PKHD1: variants seen among roughly 807,000 people sequenced by gnomAD.
PKHD1 encodes the protein PKHD1 ciliary IPT domain containing fibrocystin/polyductin, also known as fibrocystin.
PKHD1 carries 291 observed loss-of-function variants against 412.0 expected under a neutral mutation model. The ratio of observed to expected loss-of-function variants is 0.71; its 90% CI spans 0.64 to 0.78. PKHD1 has a LOEUF of 0.78. Among genes scored for constraint, PKHD1 ranks in the 30% least tolerant of loss-of-function variants. The probability of loss-of-function intolerance (pLI) is 0.00; values close to 1 mark genes in which losing one functional copy is unlikely to be tolerated. For missense variants in PKHD1, 4,825 were observed against 4,950.7 expected, an observed-to-expected ratio of 0.97 and a Z score of 0.76; for synonymous variants, 1,777 against 1,821.5, an observed-to-expected ratio of 0.98 and a Z score of 0.62.
At chr6:52,000,081 C>T (rs1348532870) in intron 35 of PKHD1, among the ~76,000 whole-genome samples, 1 of 152,156 alleles carries the variant, frequency 6.6e-6, no homozygotes, top group Non-Finnish European at 1.5e-5. Flanking sequence ...AAGCTTTTCT[C>T]GCACATGAAG....
intron 52 of PKHD1, among the ~76,000 whole-genome samples, chr6:51,826,292 A>G (rs547522307): frequency 6.6e-6 from 1 of 152,326 alleles, no homozygotes; most frequent in South Asian, 2.1e-4. Flanking sequence ...TTATAAAAGA[A>G]AAACAGTACT....
chr6:52,063,739 A>C (rs1340454361), intron 13 of PKHD1, among the ~76,000 whole-genome samples: 1 of 152,206 alleles, frequency 6.6e-6, no homozygotes, highest in Non-Finnish European at 1.5e-5. Context: ...CCGGTCTAAC[A>C]GCCAAACATG....
At chr6:51,721,651 C>G (rs1781938826) in intron 60 of PKHD1, 1 of 1,165,586 alleles carries the variant, frequency 8.6e-7, no homozygotes, top group African/African-American at 1.6e-5. Flanking sequence ...CCTCTTCTTT[C>G]CTACTCCCCC....
chr6:51,798,386 T>TAAGA (rs746915578), intron 52 of PKHD1, among the ~76,000 whole-genome samples: 1 of 143,778 alleles, frequency 7.0e-6, no homozygotes. Context: ...TCAAAAAAAA[T>TAAGA]AAGAAAGAAA....
In PKHD1 at chr6:51,942,532, G is replaced by A. The variant is rs776804291; in HGVS notation, c.5909-8210C>T. Among the ~76,000 whole-genome samples, 107 of 151,148 alleles carry A rather than the reference G, an allele frequency of 7.1e-4. 3 individuals carry two copies. The highest frequency in any genetic ancestry group is 1.3e-3 in the Non-Finnish European group (89 of 67,666). ...GTACTCACTTTTTGTTGAGTCTCCCGCAATTACCACTGTTCCTGGCCCGGA... is the reference window on the plus strand; with the variant it reads ...GTACTCACTTTTTGTTGAGTCTCCCACAATTACCACTGTTCCTGGCCCGGA... On this transcript the variant is annotated intron_variant, in intron 36 of 66. Coordinates refer to ENST00000371117, the MANE Select transcript of PKHD1 (RefSeq NM_138694.4).
intron 50 of PKHD1, 75 bp downstream of exon 50, chr6:51,847,700 A>C (rs891293837): frequency 9.3e-7 from 1 of 1,080,390 alleles, no homozygotes; most frequent in African/African-American, 1.5e-5. Context: ...TCACAGCACA[A>C]ATGTCTGGAA....
chr6:52,055,095 A>G (rs1319911838), intron 19 of PKHD1, among the ~76,000 whole-genome samples: 1 of 152,244 alleles, frequency 6.6e-6, no homozygotes, highest in Non-Finnish European at 1.5e-5. Flanking sequence ...GACAACAACT[A>G]GAGTAATAAT....
intron 60 of PKHD1, among the ~76,000 whole-genome samples, chr6:51,681,709 GAAAGAGGTGGTGAACT>G (rs1476720018): frequency 9.9e-5 from 15 of 152,068 alleles, no homozygotes; most frequent in African/African-American, 3.4e-4. Context: ...CTATTTAATT[GAAAGAGGTGGTGAACT>G]ACAAGCCACA....
rs146468152 is a variant in PKHD1, at chr6:52,025,544, C to T, written c.4266G>A (p.Arg1422=). The T allele has an allele frequency of 4.8e-5, 78 of 1,614,138 alleles. No homozygotes were observed. The African/African-American group carries it at 8.7e-4, about 18-fold the overall frequency. ...AAGTAAAAGGACCCGAGAGGTCAAC[C>T]CGAACTGACCTCCTTCTAGAGTTAA... The part of the protein sequence containing the change: ...LLLNSRRRSV[R]VDLSGPFTCV... Residue 1422 remains arginine, a synonymous_variant, in exon 32 of 67, where the codon CGG becomes CGA. Transcript: ENST00000371117.
intron 27 of PKHD1, among the ~76,000 whole-genome samples, chr6:52,040,934 T>C (rs1212020537): frequency 6.6e-6 from 1 of 152,176 alleles, no homozygotes; most frequent in Non-Finnish European, 1.5e-5. Context: ...TGCCTGGTAA[T>C]AAAAGCTAAA....
chr6:51,710,719 A>G (rs578107096), intron 60 of PKHD1, among the ~76,000 whole-genome samples: 1 of 152,332 alleles, frequency 6.6e-6, no homozygotes, highest in East Asian at 1.9e-4. Context: ...TACTTATTGA[A>G]TATATGCAAC....
At chr6:52,013,872 C>T (rs1011556956) in intron 34 of PKHD1, among the ~76,000 whole-genome samples, 2 of 152,146 alleles carry the variant, frequency 1.3e-5, no homozygotes, top group African/African-American at 4.8e-5. Context: ...CATTTTCTCT[C>T]CCTCACTTCC....
intron 64 of PKHD1, among the ~76,000 whole-genome samples, chr6:51,635,291 T>C (rs1200697017): frequency 6.6e-6 from 1 of 152,168 alleles, no homozygotes; most frequent in African/African-American, 2.4e-5. Flanking sequence ...AGTCCATTTT[T>C]GTATAGAACA....
chr6:51,984,400 G>A (rs1161375724), intron 35 of PKHD1, among the ~76,000 whole-genome samples: 4 of 152,210 alleles, frequency 2.6e-5, no homozygotes, highest in Non-Finnish European at 4.4e-5. Context: ...ACTTGTTTAA[G>A]AAGTAAAATG....
At chr6:51,645,811 G>A (rs1288780099) in intron 63 of PKHD1, among the ~76,000 whole-genome samples, 1 of 152,170 alleles carries the variant, frequency 6.6e-6, no homozygotes, top group Non-Finnish European at 1.5e-5. Context: ...CTCTTGGTCA[G>A]AATTATTCAA....
intron 36 of PKHD1, among the ~76,000 whole-genome samples, chr6:51,953,018 C>CA (rs1370009239): frequency 1.3e-5 from 2 of 152,108 alleles, no homozygotes; most frequent in Non-Finnish European, 2.9e-5. Flanking sequence ...GAGCCTTACC[C>CA]AAAACCATAA....
At chr6:51,713,203 A>C (rs1711713582) in intron 60 of PKHD1, among the ~76,000 whole-genome samples, 1 of 152,230 alleles carries the variant, frequency 6.6e-6, no homozygotes, top group African/African-American at 2.4e-5. Flanking sequence ...ATTCGTATTT[A>C]ACTCATACTG....
Position 51,617,439 on chromosome 6 carries a change from G to A in PKHD1, c.*1642C>T, listed in dbSNP as rs758543780. Reference sequence around the variant, plus strand: ...CCAAGCAAAATACATCATCTACAAAGAGGACTTACTCAGCATGGCAGCCAG... The same window carrying A: ...CCAAGCAAAATACATCATCTACAAAAAGGACTTACTCAGCATGGCAGCCAG... On this transcript the variant is annotated 3_prime_UTR_variant, in exon 67 of 67. Coordinates refer to ENST00000371117, the MANE Select transcript of PKHD1 (RefSeq NM_138694.4). 5 of 152,062 alleles carry A rather than the reference G, an allele frequency of 3.3e-5. No individual in the cohort carries two copies. Among genetic ancestry groups the A allele is most frequent in the Admixed American group, 6.5e-5 (1 of 15,276 alleles). 9.4% of individuals were successfully genotyped at this position (152,062 alleles called of 1,614,324 possible).
At chr6:51,829,557 T>C (rs1222179191) in intron 52 of PKHD1, among the ~76,000 whole-genome samples, 1 of 152,040 alleles carries the variant, frequency 6.6e-6, no homozygotes, top group Non-Finnish European at 1.5e-5. Context: ...CTCACGAGCT[T>C]GTTTATTCAA....
Sources: allele counts gnomAD v4.1 joint callset (sites outside exome capture counted in the v4.1 genomes callset), GRCh38; gene constraint gnomAD v4.1.1; transcripts MANE v1.5; gene names NCBI Gene and HGNC (gene_info 2026-07-23, HGNC 2026-07-21).